Variants in GCDH observed in about 807,000 individuals in gnomAD.
GCDH encodes glutaryl-CoA dehydrogenase, mitochondrial.
GCDH carries 31 observed loss-of-function variants against 52.8 expected under a neutral mutation model. The observed-to-expected ratio is 0.59, with a 90% confidence interval of 0.44 to 0.79. The LOEUF (loss-of-function observed/expected upper bound fraction) is 0.79. Among genes scored for constraint, GCDH ranks in the 30% least tolerant of loss-of-function variants. The pLI, the probability that GCDH is intolerant of heterozygous loss-of-function variation, is 0.00. For missense variants in GCDH, 509 were observed against 595.0 expected (o/e 0.86, Z 1.50); for synonymous variants, 242 against 250.0 (o/e 0.97, Z 0.30).
intron 3 of GCDH, 63 bp from the exon 4 acceptor site, chr19:12,891,768 G>A: frequency 1.2e-6 from 2 of 1,610,858 alleles, no homozygotes; most frequent in Non-Finnish European, 1.7e-6. Flanking sequence ...GGGCTGATGA[G>A]GGTCCGAGAA....
intron 11 of GCDH, chr19:12,899,174 G>A: frequency 1.5e-6 from 1 of 649,766 alleles, no homozygotes; most frequent in African/African-American, 1.8e-5. Flanking sequence ...GCAGGGGCTG[G>A]ACTTGCTACA....
intron 6 of GCDH, chr19:12,893,884 C>A (rs1970615056): frequency 1.6e-6 from 1 of 616,234 alleles, no homozygotes; most frequent in Non-Finnish European, 2.9e-6. Context: ...GTTCCCCAGT[C>A]CAGCCCAAAG....
chr19:12,892,347 A>G lies in GCDH; in HGVS notation c.334+169A>G, dbSNP rs908233029. 8.7e-6 allele frequency: 6 copies of G among 689,786 alleles called. No individual in the cohort carries two copies. In the African/African-American group the frequency reaches 9.0e-5, roughly 10 times the overall value. 42.7% of individuals were successfully genotyped at this position (689,786 alleles called of 1,614,324 possible). A position where few individuals can be genotyped will look rare whatever the true frequency, so the allele number is the denominator to read the frequency against. ...GGCTCTGTTGCCCAGGCTGGAGTGCAGTGGCACGATCTTGGCTCACTGCAA... is the reference window on the plus strand; with the variant it reads ...GGCTCTGTTGCCCAGGCTGGAGTGCGGTGGCACGATCTTGGCTCACTGCAA... On this transcript the variant is annotated intron_variant, in intron 5 of 11. Coordinates refer to ENST00000222214, the MANE Select transcript of GCDH (RefSeq NM_000159.4).
rs773319161 is a variant in GCDH at position 12,893,577 on chromosome 19, C to A, written c.429C>A (p.Val143=). 6.2e-7 allele frequency: 1 copy of A among 1,613,844 alleles called. No individual in the cohort carries two copies. Among genetic ancestry groups the A allele is most frequent in the South Asian group, 1.1e-5 (1 of 91,070 alleles). The change falls in exon 6 of 12, where the codon GTC becomes GTA. Residue 143 remains valine (V), a synonymous_variant. Coordinates refer to ENST00000222214, the MANE Select transcript of GCDH (RefSeq NM_000159.4). ...VDSGYRSAMS[V]QSSLVMHPIY... ...GTGGCTACAGGTCGGCGATGAGTGT[C>A]CAGTCCTCCCTCGTCATGCACCCTA...
intron 6 of GCDH, chr19:12,894,334 T>C: frequency 1.3e-6 from 1 of 778,078 alleles, no homozygotes; most frequent in East Asian, 2.5e-5. Flanking sequence ...ACAGGGTGTC[T>C]TGACCCATGG....
At chr19:12,898,424 C>G (rs1175163480) in intron 11 of GCDH, 5 of 158,980 alleles carry the variant, frequency 3.1e-5, no homozygotes, top group African/African-American at 1.2e-4. Flanking sequence ...GGTATGAGGA[C>G]CCCCCGGGCA....
rs749033627 is a variant in GCDH at position 12,896,420 on chromosome 19, G to A, written c.851G>A (p.Gly284Glu). 1.2e-6 allele frequency: 2 copies of A among 1,611,866 alleles called. No homozygotes were observed. Among genetic ancestry groups the A allele is most frequent in the Non-Finnish European group, 1.7e-6 (2 of 1,178,966 alleles). The change falls in exon 8 of 12, where the codon GGG becomes GAG. Residue 284 changes from glycine to glutamate, a missense_variant and splice_region_variant. By Grantham distance (98) the Gly-to-Glu change is moderately conservative (BLOSUM62 -2). Coordinates refer to ENST00000222214, the MANE Select transcript of GCDH (RefSeq NM_000159.4). This position sits in a 1 kb window ranked among gnomAD's most constrained non-coding sequence, Gnocchi z 5.5. ...GTGCTCCCTGGTGCATCCAGCCTGG[G>A]GGTAAGTGGCAGCCACTTTGGGAAT... is the stretch of plus-strand genomic sequence containing the variant. ...ENVLPGASSL[G>E]GPFGCLNNAR...
intron 5 of GCDH, 128 bp from the exon 6 acceptor site, chr19:12,893,355 A>T: frequency 2.5e-6 from 2 of 786,852 alleles, no homozygotes; most frequent in Non-Finnish European, 4.4e-6. Flanking sequence ...GATGAAATGA[A>T]TAAACCTCAG....
intron 11 of GCDH, chr19:12,898,102 T>C (rs1161998984): frequency 1.8e-6 from 1 of 550,074 alleles, no homozygotes; most frequent in East Asian, 3.2e-5. Context: ...CTCCCAGCTC[T>C]TTCTCCCACA....
intron 6 of GCDH, among the ~76,000 whole-genome samples, chr19:12,895,131 A>G (rs1970645087): frequency 1.3e-5 from 2 of 150,044 alleles, no homozygotes; most frequent in South Asian, 4.2e-4. Context: ...AGTTTGGCCA[A>G]CTCCTTCCTG....
chr19:12,891,757 A>G (rs532241386), intron 3 of GCDH, 74 bp from the exon 4 acceptor site: 54 of 1,607,060 alleles, frequency 3.4e-5, no homozygotes, highest in South Asian at 8.8e-5. Context: ...GTTGGGGGGT[A>G]GGGCTGATGA....
At position 12,899,567 on chromosome 19, in the gene GCDH, C is replaced by T. The variant is rs866284333; in HGVS notation, c.*26C>T. The T allele has an allele frequency of 6.2e-7, 1 of 1,614,072 alleles. No individual in the cohort carries two copies. Among genetic ancestry groups the T allele is most frequent in the Non-Finnish European group, 8.5e-7 (1 of 1,179,984 alleles). On this transcript the variant is annotated 3_prime_UTR_variant, in exon 12 of 12. Transcript: ENST00000222214. ...GCCGCTCCATCAGGGGCCCGAAACT[C>T]TCAAGCCCCTTTCTGGAGAGATGCC...
chr19:12,899,184 A>G, intron 11 of GCDH: 1 of 684,084 alleles, frequency 1.5e-6, no homozygotes, highest in Non-Finnish European at 2.5e-6. Flanking sequence ...GACTTGCTAC[A>G]TTTTGGGAGT....
At chr19:12,898,582 GC>G (rs1216431963) in intron 11 of GCDH, among the ~76,000 whole-genome samples, 4 of 151,158 alleles carry the variant, frequency 2.6e-5, no homozygotes, top group Non-Finnish European at 5.9e-5. Flanking sequence ...AGCAGCGGGC[GC>G]CATGAGATGG....
chr19:12,894,158 C>T, intron 6 of GCDH: 1 of 1,561,632 alleles, frequency 6.4e-7, no homozygotes, highest in Non-Finnish European at 8.8e-7. Context: ...TCCTTCCCAG[C>T]CACTGGCTGC....
intron 6 of GCDH, among the ~76,000 whole-genome samples, chr19:12,895,424 C>T (rs1035852559): frequency 6.6e-6 from 1 of 152,014 alleles, no homozygotes; most frequent in Non-Finnish European, 1.5e-5. Flanking sequence ...CCGTGCCTGG[C>T]TAATTTTTGT....
chr19:12,898,225 G>A, intron 11 of GCDH: 2 of 344,078 alleles, frequency 5.8e-6, no homozygotes, highest in Non-Finnish European at 1.1e-5. Flanking sequence ...GCTACACGCA[G>A]GAATCAACGC....
chr19:12,894,704 C>T (rs1970634584), intron 6 of GCDH: 4 of 788,710 alleles, frequency 5.1e-6, no homozygotes, highest in East Asian at 2.6e-5. Context: ...CAAACAGCGG[C>T]GTATTGCTCT....
intron 3 of GCDH, 109 bp from the exon 4 acceptor site, chr19:12,891,722 G>A: frequency 2.5e-6 from 4 of 1,604,824 alleles, no homozygotes; most frequent in Non-Finnish European, 3.4e-6. Context: ...CTTGCAGCTC[G>A]CACTAGCCGG....
Sources: gnomAD v4.1 joint callset for allele counts (sites outside exome capture counted in the v4.1 genomes callset) on GRCh38, gnomAD v4.1.1 for gene constraint, Gnocchi (gnomAD v3.1) non-coding constraint, MANE v1.5 for transcripts, NCBI Gene and HGNC (gene_info 2026-07-23, HGNC 2026-07-21) for gene names.